ATP13A5: variants seen among roughly 807,000 people sequenced by gnomAD.
ATP13A5 encodes ATPase 13A5.
Under a neutral mutation model 150.2 loss-of-function variants are expected in ATP13A5, and 149 were observed. The ratio of observed to expected loss-of-function variants is 0.99; its 90% confidence interval spans 0.87 to 1.14. The LOEUF (loss-of-function observed/expected upper bound fraction) is 1.14, where lower values mean the gene tolerates loss of function less well. ATP13A5 is among the 50% of genes most tolerant of loss of function. ATP13A5 has a pLI of 0.00. For synonymous variants in ATP13A5, 497 were observed against 522.2 expected (o/e 0.95, Z 0.66); for missense variants, 1,383 against 1,449.3 (o/e 0.95, Z 0.74).
At chr3:193,323,407 A>C (rs1719353190) in intron 14 of ATP13A5, 1 of 152,234 alleles carries the variant, frequency 6.6e-6, no homozygotes, top group Non-Finnish European at 1.5e-5. Flanking sequence ...TCAGTGAAAA[A>C]TCATGCATTT....
At chr3:193,292,836 T>C (rs748392795) in intron 25 of ATP13A5, among the ~76,000 whole-genome samples, 4 of 152,082 alleles carry the variant, frequency 2.6e-5, no homozygotes, top group Non-Finnish European at 4.4e-5. Flanking sequence ...AGGCAATACC[T>C]AATGCATACA....
rs73198913 is a variant in ATP13A5, at chr3:193,377,698, A to G, written c.63+965T>C. Among the ~76,000 whole-genome samples the G allele has an allele frequency of 2.4e-3, 364 of 152,338 alleles. 3 individuals are homozygous for G. Among genetic ancestry groups the G allele is most frequent in the South Asian group, 4.6e-3 (22 of 4,826 alleles). ...GCCCCAGATCTCACAGGGAACCAGG[A>G]TGCCAGCCAGGAAACTGACATCATT... is the stretch of plus-strand genomic sequence containing the variant. On this transcript the variant is annotated intron_variant, in intron 1 of 29. Transcript: ENST00000342358.
intron 1 of ATP13A5, among the ~76,000 whole-genome samples, chr3:193,375,062 C>T (rs952381040): frequency 1.3e-5 from 2 of 152,174 alleles, no homozygotes; most frequent in African/African-American, 4.8e-5. Context: ...AGTCTGTGGT[C>T]TTCTGTTACA....
At chr3:193,324,774 C>A in intron 14 of ATP13A5, 90 bp downstream of exon 14, 1 of 1,415,896 alleles carries the variant, frequency 7.1e-7, no homozygotes, top group South Asian at 1.3e-5. Flanking sequence ...TATGAACCTT[C>A]TCTGTGTTTT....
intron 26 of ATP13A5, among the ~76,000 whole-genome samples, chr3:193,287,056 C>T (rs1717751654): frequency 6.6e-6 from 1 of 152,008 alleles, no homozygotes. Flanking sequence ...AGAGCAAGGC[C>T]CTAACTCCCT....
Position 193,324,915 on chromosome 3 carries a change from C to T in ATP13A5, c.1623G>A (p.Gly541=). 2 of 1,614,104 alleles carry T rather than the reference C, an allele frequency of 1.2e-6. No individual in the cohort carries two copies. The highest frequency in any genetic ancestry group is 1.7e-6 in the Non-Finnish European group (2 of 1,179,958). ...GGTCCAGAGGGTCTCCCTGGATGGT[C>T]CCATTGAGAAGGATCAGAGAGTGGC... The part of the protein sequence containing the change: ...ASCHSLILLN[G]TIQGDPLDLK... The change falls in exon 14 of 30, where the codon GGG becomes GGA. Residue 541 remains glycine (G), a synonymous_variant. Coordinates refer to ENST00000342358, the MANE Select transcript of ATP13A5 (RefSeq NM_198505.4).
intron 1 of ATP13A5, among the ~76,000 whole-genome samples, chr3:193,370,238 G>T (rs1713392719): frequency 6.6e-6 from 1 of 152,180 alleles, no homozygotes; most frequent in Admixed American, 6.5e-5. Context: ...AAATATGCAT[G>T]CGCTTTTTCA....
chr3:193,344,538 T>C (rs1712252472), intron 8 of ATP13A5, among the ~76,000 whole-genome samples: 1 of 152,206 alleles, frequency 6.6e-6, no homozygotes, highest in African/African-American at 2.4e-5. Context: ...TCCAGACAGC[T>C]ATCTAAAAGC....
chr3:193,281,126 G>C, intron 27 of ATP13A5: 1 of 943,864 alleles, frequency 1.1e-6, no homozygotes, highest in Non-Finnish European at 1.3e-6. Flanking sequence ...TCAGGATAAA[G>C]CAATCTAAAT....
rs529448699 is a variant in ATP13A5, at chr3:193,342,597, T to C, written c.943+1330A>G. On this transcript the variant is annotated intron_variant, in intron 9 of 29. Coordinates refer to ENST00000342358, the MANE Select transcript of ATP13A5 (RefSeq NM_198505.4). Reference sequence around the variant, plus strand: ...TGTCATTTAAGGTTATTTGGAGCCATTTTGCACATTTGTTGAAAGGCAGCG... The same window carrying C: ...TGTCATTTAAGGTTATTTGGAGCCACTTTGCACATTTGTTGAAAGGCAGCG... Among the ~76,000 whole-genome samples the C allele has an allele frequency of 2.0e-5, 3 of 152,324 alleles. No homozygotes were observed. The East Asian group carries it at 5.8e-4, about 29-fold the overall frequency.
Position 193,286,083 on chromosome 3 carries a change from C to G in ATP13A5, c.3024-967G>C, listed in dbSNP as rs539799981. On this transcript the variant is annotated intron_variant, in intron 26 of 29. Transcript: ENST00000342358. ...AATATTTACTCAAAAAATCTTTGTCCAAGATATGAGCTTTCCCAGTCCTGA... is the reference window on the plus strand; with the variant it reads ...AATATTTACTCAAAAAATCTTTGTCGAAGATATGAGCTTTCCCAGTCCTGA... Among the ~76,000 whole-genome samples the G allele has an allele frequency of 2.6e-5, 4 of 152,168 alleles. No individual in the cohort carries two copies. The East Asian group carries it at 7.7e-4, about 29-fold the overall frequency.
intron 5 of ATP13A5, among the ~76,000 whole-genome samples, chr3:193,357,769 A>G (rs1396703104): frequency 6.6e-6 from 1 of 152,178 alleles, no homozygotes; most frequent in Non-Finnish European, 1.5e-5. Context: ...CAGAAGTTGA[A>G]CAATTTCTCA....
intron 29 of ATP13A5, among the ~76,000 whole-genome samples, chr3:193,275,878 T>C (rs778569083): frequency 1.3e-5 from 2 of 152,176 alleles, no homozygotes; most frequent in Non-Finnish European, 2.9e-5. Context: ...CCTTTAAAAA[T>C]TTTTATTTTA....
chr3:193,314,128 C>G lies in ATP13A5; in HGVS notation c.2224G>C (p.Val742Leu), dbSNP rs757084912. Reference protein sequence around the residue: ...NSEMIPPGSQVIIVEADEPEE... With the variant: ...NSEMIPPGSQLIIVEADEPEE... Reference sequence around the variant, plus strand: ...GGTTCATCGGCCTCAACAATGATCACTTGGCTGCCTGGAGGGATCATTTCA... The same window carrying G: ...GGTTCATCGGCCTCAACAATGATCAGTTGGCTGCCTGGAGGGATCATTTCA... Residue 742 changes from valine (V) to leucine (L), a missense_variant, in exon 19 of 30, where the codon GTG (valine) becomes CTG (leucine). By Grantham distance (32) the Val-to-Leu change is conservative. Transcript: ENST00000342358. The G allele has an allele frequency of 2.0e-5, 32 of 1,613,974 alleles. 2 individuals carry two copies. In the East Asian group the frequency reaches 2.9e-4, roughly 15 times the overall value.
intron 27 of ATP13A5, among the ~76,000 whole-genome samples, chr3:193,279,818 G>A (rs1159916744): frequency 6.6e-6 from 1 of 151,704 alleles, no homozygotes; most frequent in Admixed American, 6.6e-5. Flanking sequence ...AAAGTTCAGG[G>A]ATCCTCTATT....
At chr3:193,312,315 C>G (rs926493712) in intron 19 of ATP13A5, among the ~76,000 whole-genome samples, 1 of 152,188 alleles carries the variant, frequency 6.6e-6, no homozygotes, top group Admixed American at 6.5e-5. Context: ...AAGATCTCTA[C>G]CATTCACTTA....
intron 6 of ATP13A5, among the ~76,000 whole-genome samples, chr3:193,352,896 C>A (rs377035493): frequency 2.6e-5 from 4 of 151,916 alleles, no homozygotes; most frequent in South Asian, 4.2e-4. Flanking sequence ...GGGCTCACAT[C>A]ATCAGATTCA....
chr3:193,307,760 G>A (rs186178678), intron 21 of ATP13A5, among the ~76,000 whole-genome samples: 1 of 152,308 alleles, frequency 6.6e-6, no homozygotes, highest in Admixed American at 6.5e-5. Context: ...TTTAGTCACT[G>A]ACTGTTGCTG....
At position 193,364,068 on chromosome 3, in the gene ATP13A5, G is replaced by A. The variant is rs748307667; in HGVS notation, c.237+39C>T. The A allele has an allele frequency of 1.2e-5, 19 of 1,603,496 alleles. No individual in the cohort carries two copies. In the East Asian group the frequency reaches 1.8e-4, roughly 15 times the overall value. ...GCCACAGAGGCAATACAGAAGACAC[G>A]ATCATGGCTTTCAAAATAGAAAACA... On this transcript the variant is annotated intron_variant, in intron 2 of 29. Coordinates refer to ENST00000342358, the MANE Select transcript of ATP13A5 (RefSeq NM_198505.4).
Sources: gnomAD v4.1 joint callset for allele counts (sites outside exome capture counted in the v4.1 genomes callset) on GRCh38, gnomAD v4.1.1 for gene constraint, MANE v1.5 for transcripts, NCBI Gene and HGNC (gene_info 2026-07-23, HGNC 2026-07-21) for gene names.